Variants in LDLRAP1 observed in about 807,000 individuals in gnomAD.
The protein encoded by LDLRAP1 is low density lipoprotein receptor adapter protein 1.
LDLRAP1 carries 30 observed loss-of-function variants against 37.8 expected under a neutral mutation model. The ratio of observed to expected loss-of-function variants is 0.79; its 90% CI spans 0.59 to 1.08. The LOEUF (loss-of-function observed/expected upper bound fraction) is 1.08, where lower values mean the gene tolerates loss of function less well. Among genes scored for constraint, LDLRAP1 ranks in the 50% least tolerant of loss-of-function variants. The probability of loss-of-function intolerance (pLI) is 0.00; values close to 1 mark genes in which losing one functional copy is unlikely to be tolerated. For missense variants in LDLRAP1, 375 were observed against 401.6 expected (o/e 0.93, Z 0.57); for synonymous variants, 156 against 169.8 (o/e 0.92, Z 0.63).
the LDLRAP1 span, among the ~76,000 whole-genome samples, chr1:25,577,880 C>T: frequency 9.2e-5 from 14 of 152,304 alleles, no homozygotes; most frequent in African/African-American, 3.4e-4. Flanking sequence ...TGGAACAGTG[C>T]CTGGCCCACG....
At chr1:25,560,762 G>A (rs942404806) in intron 4 of LDLRAP1, among the ~76,000 whole-genome samples, 5 of 152,260 alleles carry the variant, frequency 3.3e-5, no homozygotes, top group Admixed American at 2.6e-4. Flanking sequence ...GAAAAACTGG[G>A]CAAGGTAGCA....
the LDLRAP1 span, among the ~76,000 whole-genome samples, chr1:25,578,026 G>A: frequency 2.6e-5 from 4 of 152,292 alleles, no homozygotes; most frequent in East Asian, 5.8e-4. Flanking sequence ...TCAGTGAAGC[G>A]GCAGGTGTGG....
At chr1:25,553,796 C>T in intron 1 of LDLRAP1, 126 bp from the exon 2 acceptor site, 1 of 934,528 alleles carries the variant, frequency 1.1e-6, no homozygotes, top group East Asian at 2.7e-5. Context: ...AAAAGAGTGG[C>T]AGTAGTGGTG....
chr1:25,553,537 G>A, intron 1 of LDLRAP1: 1 of 268,086 alleles, frequency 3.7e-6, no homozygotes, highest in Non-Finnish European at 7.4e-6. Context: ...GTATGTGCCG[G>A]AAAGCTTTAG....
chr1:25,583,465 T>C, the LDLRAP1 span, among the ~76,000 whole-genome samples: 3 of 152,288 alleles, frequency 2.0e-5, no homozygotes, highest in East Asian at 5.8e-4. Flanking sequence ...AGTGCTGGGA[T>C]TATAGTCGTG....
chr1:25,589,820 G>A, the LDLRAP1 span, among the ~76,000 whole-genome samples: 9,237 of 152,126 alleles, frequency 0.061, 312 homozygotes, highest in Middle Eastern at 0.1. Flanking sequence ...ACCCTCTTAC[G>A]GGCCGGGCGC....
chr1:25,582,366 C>G, the LDLRAP1 span, among the ~76,000 whole-genome samples: 3 of 151,790 alleles, frequency 2.0e-5, no homozygotes, highest in Admixed American at 1.3e-4. Flanking sequence ...GCGGGCAGAT[C>G]ACTAGATATG....
At chr1:25,564,038 G>T (rs1195533669) in intron 7 of LDLRAP1, 2 of 552,150 alleles carry the variant, frequency 3.6e-6, no homozygotes, top group Non-Finnish European at 6.6e-6. Context: ...CTCTTGGCCT[G>T]AGCGTCCACG....
intron 7 of LDLRAP1, chr1:25,564,400 C>G (rs1572055272): frequency 5.8e-6 from 1 of 172,708 alleles, no homozygotes; most frequent in East Asian, 1.5e-4. Context: ...CTTGCATGAC[C>G]ACATTACACT....
chr1:25,558,770 T>C (rs1341271654), intron 4 of LDLRAP1, among the ~76,000 whole-genome samples: 1 of 152,222 alleles, frequency 6.6e-6, no homozygotes, highest in Non-Finnish European at 1.5e-5. Context: ...GCCACATCCT[T>C]AACTCACTTC....
At position 25,555,618 on chromosome 1, in the gene LDLRAP1, C is replaced by T. The variant is rs530321075; in HGVS notation, c.344+646C>T. Among the ~76,000 whole-genome samples the T allele has an allele frequency of 7.2e-5, 11 of 152,334 alleles. No individual in the cohort carries two copies. Among genetic ancestry groups the T allele is most frequent in the African/African-American group, 2.6e-4 (11 of 41,566 alleles). ...GAACTAGGATATCCGGGCCAGAGCC[C>T]TGTCCAGCAGGCTCCCGTCTGCCTG... On this transcript the variant is annotated intron_variant, in intron 3 of 8. Coordinates refer to ENST00000374338, the MANE Select transcript of LDLRAP1 (RefSeq NM_015627.3). This position sits in a 1 kb window ranked among gnomAD's most constrained non-coding sequence, Gnocchi z 4.7.
At chr1:25,574,757 C>T in the LDLRAP1 span, among the ~76,000 whole-genome samples, 1 of 152,192 alleles carries the variant, frequency 6.6e-6, no homozygotes, top group South Asian at 2.1e-4. Context: ...GCTCCGTGGG[C>T]CTGTATGTGC....
chr1:25,543,710 C>A lies in LDLRAP1; in HGVS notation c.12C>A (p.Leu4=). 8.2e-7 allele frequency: 1 copy of A among 1,215,150 alleles called. No homozygotes were observed. The highest frequency in any genetic ancestry group is 4.1e-5 in the South Asian group (1 of 24,358). The allele number at this position is 1,215,150 out of a possible 1,614,324, so 75.3% of individuals were successfully genotyped here. The change falls in exon 1 of 9, where the codon CTC becomes CTA. Residue 4 remains leucine (L), a synonymous_variant. Coordinates refer to ENST00000374338, the MANE Select transcript of LDLRAP1 (RefSeq NM_015627.3). MDA[L]KSAGRALIRS... ...GGCCGGAGCGGGCCATGGACGCGCT[C>A]AAGTCGGCGGGGCGGGCGCTGATCC...
intron 1 of LDLRAP1, among the ~76,000 whole-genome samples, chr1:25,551,125 A>C (rs1235613602): frequency 1.3e-5 from 2 of 152,114 alleles, no homozygotes; most frequent in Non-Finnish European, 2.9e-5. Context: ...AGAAAGGATC[A>C]GAGGGAAGTA....
intron 5 of LDLRAP1, 173 bp downstream of exon 5, chr1:25,562,889 C>T (rs2044377406): frequency 7.5e-6 from 6 of 803,586 alleles, no homozygotes; most frequent in Admixed American, 2.0e-5. Flanking sequence ...TGGGAACAGC[C>T]GTCTCCCTCC....
intron 8 of LDLRAP1, among the ~76,000 whole-genome samples, chr1:25,565,944 GC>G (rs1245819842): frequency 6.6e-6 from 1 of 152,172 alleles, no homozygotes; most frequent in Non-Finnish European, 1.5e-5. Context: ...CAGGGTCTTT[GC>G]CCTCCTGCCT....
In LDLRAP1 at chr1:25,559,295, G is replaced by A. The variant is rs148320991; in HGVS notation, c.459+2028G>A. Among the ~76,000 whole-genome samples, 50 of 152,252 alleles carry A rather than the reference G, an allele frequency of 3.3e-4. No individual in the cohort carries two copies. In the South Asian group the frequency reaches 5.8e-3, roughly 18 times the overall value. On this transcript the variant is annotated intron_variant, in intron 4 of 8. Coordinates refer to ENST00000374338, the MANE Select transcript of LDLRAP1 (RefSeq NM_015627.3). ...GCCCTGGGTGGGAGGGGCCTTCGAC[G>A]GTGCAGAGGCTTCCTCTGGGATGAG...
At chr1:25,573,685 C>T (rs143443973), downstream of LDLRAP1, among the ~76,000 whole-genome samples, 1 of 152,156 alleles carries the variant, frequency 6.6e-6, no homozygotes, top group East Asian at 1.9e-4. Flanking sequence ...GGAGCTATGC[C>T]GAGGCTTTGC....
chr1:25,582,404 G>A, the LDLRAP1 span, among the ~76,000 whole-genome samples: 1 of 151,952 alleles, frequency 6.6e-6, no homozygotes, highest in Non-Finnish European at 1.5e-5. Context: ...GGCGAACACG[G>A]TGAAACCCCG....
Sources: allele counts gnomAD v4.1 joint callset (sites outside exome capture counted in the v4.1 genomes callset), GRCh38; gene constraint gnomAD v4.1.1; non-coding constraint Gnocchi (gnomAD v3.1); transcripts MANE v1.5; gene names NCBI Gene and HGNC (gene_info 2026-07-23, HGNC 2026-07-21).